The following VMA22 variants were observed in gnomAD, a reference collection of about 807,000 sequenced individuals.
VMA22 encodes the protein vacuolar ATPase assembly protein VMA22.
the VMA22 span, chr2:130,338,548 A>G: frequency 6.6e-6 from 1 of 152,282 alleles, no homozygotes; most frequent in Non-Finnish European, 1.5e-5. Context: ...TAAGACAAAG[A>G]GACAGGATTT....
the VMA22 span, chr2:130,341,876 A>C: frequency 7.1e-7 from 1 of 1,403,774 alleles, no homozygotes; most frequent in Non-Finnish European, 9.5e-7. Context: ...CCATGTGGGA[A>C]GCATACTGCA....
chr2:130,340,868 G>A, the VMA22 span: 288 of 1,612,870 alleles, frequency 1.8e-4, 1 homozygote, highest in African/African-American at 3.3e-3. Context: ...GTGGATAGAG[G>A]GTCTGAGGGC....
the VMA22 span, chr2:130,342,127 G>A: frequency 1.9e-6 from 3 of 1,613,502 alleles, no homozygotes; most frequent in Non-Finnish European, 2.5e-6. Flanking sequence ...CGCCGCCATG[G>A]ACACACCTCC....
chr2:130,340,871 C>G, the VMA22 span: 1 of 1,613,470 alleles, frequency 6.2e-7, no homozygotes, highest in Non-Finnish European at 8.5e-7. Context: ...GATAGAGGGT[C>G]TGAGGGCCAC....
At chr2:130,339,119 G>T in the VMA22 span, 1 of 1,611,640 alleles carries the variant, frequency 6.2e-7, no homozygotes. Flanking sequence ...TTGCGCGCAT[G>T]TCAGGCAGCC....
chr2:130,341,952 G>A, the VMA22 span: 1 of 1,613,422 alleles, frequency 6.2e-7, no homozygotes, highest in Non-Finnish European at 8.5e-7. Flanking sequence ...GCCCTGCAGG[G>A]AGAGGAAAGC....
At chr2:130,339,701 G>A in the VMA22 span, 2 of 1,304,310 alleles carry the variant, frequency 1.5e-6, no homozygotes, top group East Asian at 5.5e-5. Flanking sequence ...CAGCAGCAGG[G>A]CTGACCACAC....
the VMA22 span, chr2:130,339,177 T>C: frequency 1.2e-6 from 2 of 1,614,170 alleles, no homozygotes; most frequent in Non-Finnish European, 1.7e-6. Flanking sequence ...GGAGCTGGCT[T>C]CGACCCCAGT....
At chr2:130,338,863 G>A in the VMA22 span, 9 of 455,812 alleles carry the variant, frequency 2.0e-5, no homozygotes, top group Admixed American at 7.4e-5. Context: ...GTTGACTAAC[G>A]TGTACCTGCC....
chr2:130,340,822 A>T, the VMA22 span: 2 of 1,528,510 alleles, frequency 1.3e-6, no homozygotes, highest in Non-Finnish European at 1.8e-6. Flanking sequence ...TTCACAGACT[A>T]ACCCCAGCCA....
At chr2:130,342,535 A>T in the VMA22 span, 1 of 461,562 alleles carries the variant, frequency 2.2e-6, no homozygotes. Context: ...AGCAACCTTC[A>T]GTCGGTGTGC....
At chr2:130,340,560 C>G in the VMA22 span, 1 of 324,170 alleles carries the variant, frequency 3.1e-6, no homozygotes. Flanking sequence ...TCCCCTGGCC[C>G]ACTCCTGTCC....
chr2:130,342,303 A>C, the VMA22 span: 1 of 1,205,598 alleles, frequency 8.3e-7, no homozygotes, highest in Non-Finnish European at 1.1e-6. Flanking sequence ...TTAGAGAAGC[A>C]GCACGGAAGC....
chr2:130,342,142 C>A, the VMA22 span: 1 of 1,612,782 alleles, frequency 6.2e-7, no homozygotes, highest in African/African-American at 1.3e-5. Context: ...ACCTCCAGAT[C>A]TGGAGCCACC....
At chr2:130,340,462 G>C in the VMA22 span, 19 of 244,532 alleles carry the variant, frequency 7.8e-5, no homozygotes, top group South Asian at 7.4e-4. Flanking sequence ...TCTGGCTTCA[G>C]GGCTTTTGTC....
chr2:130,340,809 C>T, the VMA22 span: 1 of 1,447,816 alleles, frequency 6.9e-7, no homozygotes, highest in Non-Finnish European at 9.7e-7. Context: ...ACCTGCAAAG[C>T]CTTTCACAGA....
chr2:130,339,700 G>C, the VMA22 span: 2 of 1,304,134 alleles, frequency 1.5e-6, no homozygotes, highest in African/African-American at 3.0e-5. Flanking sequence ...TCAGCAGCAG[G>C]GCTGACCACA....
At chr2:130,341,939 C>A in the VMA22 span, 1 of 1,613,510 alleles carries the variant, frequency 6.2e-7, no homozygotes, top group Non-Finnish European at 8.5e-7. Context: ...CGAGCGAGAG[C>A]CAGCCCTGCA....
chr2:130,341,473 A>G, the VMA22 span: 4 of 586,302 alleles, frequency 6.8e-6, no homozygotes, highest in East Asian at 1.2e-4. Flanking sequence ...ATCTATTCCC[A>G]GTGTAAAGCA....
Sources: gnomAD v4.1 joint callset for allele counts on GRCh38, gnomAD v4.1.1 for gene constraint, MANE v1.5 for transcripts, NCBI Gene and HGNC (gene_info 2026-07-23, HGNC 2026-07-21) for gene names.